Variants in POSTN observed in about 807,000 individuals in gnomAD.
POSTN encodes the protein osteoblast specific factor 2 (fasciclin I-like).
Under a neutral mutation model 104.5 loss-of-function variants are expected in POSTN, and 71 were observed. That is an observed-to-expected ratio of 0.68 (90% confidence interval 0.56 to 0.83). The LOEUF (loss-of-function observed/expected upper bound fraction) is 0.83, where lower values mean the gene tolerates loss of function less well. Among genes scored for constraint, POSTN ranks in the 40% least tolerant of loss-of-function variants. The probability of loss-of-function intolerance (pLI) is 0.00; values close to 1 mark genes in which losing one functional copy is unlikely to be tolerated. For synonymous variants in POSTN, 355 were observed against 340.7 expected (o/e 1.04, Z -0.46); for missense variants, 949 against 1,006.8 (o/e 0.94, Z 0.78).
At chr13:37,583,848 A>C in intron 9 of POSTN, 121 bp downstream of exon 9, 1 of 1,175,738 alleles carries the variant, frequency 8.5e-7, no homozygotes, top group Non-Finnish European at 1.2e-6. Flanking sequence ...TTGTATGTGT[A>C]GCCAATGCAG....
In POSTN at chr13:37,582,529, A is replaced by G; in HGVS notation, c.1244-15T>C. On this transcript the variant is annotated splice_polypyrimidine_tract_variant and intron_variant, in intron 9 of 22. Coordinates refer to ENST00000379747, the MANE Select transcript of POSTN (RefSeq NM_006475.3). ...GAGAGTATCATCTGTAAATAAATTCATTAAGAAAGAGCATTATTTTATTTA... is the reference window on the plus strand; with the variant it reads ...GAGAGTATCATCTGTAAATAAATTCGTTAAGAAAGAGCATTATTTTATTTA... 1 of 1,579,288 alleles carries G rather than the reference A, an allele frequency of 6.3e-7. No individual in the cohort carries two copies. Among genetic ancestry groups the G allele is most frequent in the Non-Finnish European group, 8.6e-7 (1 of 1,165,232 alleles).
chr13:37,579,410 A>G (rs1297255907), intron 12 of POSTN, 51 bp from the exon 13 acceptor site: 1 of 1,409,600 alleles, frequency 7.1e-7, no homozygotes, highest in Middle Eastern at 2.4e-4. Context: ...CTTTTTGATA[A>G]GGACTAAGAA....
At chr13:37,588,722 T>C (rs1372969668) in intron 4 of POSTN, among the ~76,000 whole-genome samples, 1 of 152,134 alleles carries the variant, frequency 6.6e-6, no homozygotes, top group East Asian at 1.9e-4. Flanking sequence ...AGTTGTCCAG[T>C]TTGGTTAATA....
chr13:37,587,927 A>C lies in POSTN; in HGVS notation c.501T>G (p.Ser167Arg). The stretch of plus-strand genomic sequence containing the variant: ...TCAACATTCTCTTATTAATCATGTG[A>C]CTATGTAAAGCATTCAGTAATTCAA... ...VNVELLNALH[S>R]HMINKRMLTK... The change falls in exon 5 of 23, where the codon AGT (serine) becomes AGG (arginine). Residue 167 changes from serine (S) to arginine (R), a missense_variant. Coordinates refer to ENST00000379747, the MANE Select transcript of POSTN (RefSeq NM_006475.3). 6.2e-7 allele frequency: 1 copy of C among 1,601,720 alleles called. No individual in the cohort carries two copies. The highest frequency in any genetic ancestry group is 8.6e-7 in the Non-Finnish European group (1 of 1,169,170).
chr13:37,592,590 G>T (rs145106542), intron 2 of POSTN, among the ~76,000 whole-genome samples: 1 of 152,070 alleles, frequency 6.6e-6, no homozygotes, highest in African/African-American at 2.4e-5. Context: ...GAGCCACTGC[G>T]CCCGGCCGAT....
intron 4 of POSTN, among the ~76,000 whole-genome samples, chr13:37,589,378 A>G (rs1207106419): frequency 3.9e-5 from 6 of 152,062 alleles, no homozygotes; most frequent in African/African-American, 1.4e-4. Flanking sequence ...TTTAAGTTTT[A>G]GGGTACATGT....
At chr13:37,577,715 C>G in intron 16 of POSTN, 38 bp downstream of exon 16, 3 of 1,597,722 alleles carry the variant, frequency 1.9e-6, no homozygotes, top group South Asian at 1.1e-5. Flanking sequence ...TTTTTCATAC[C>G]TTGCCACCCA....
In POSTN at chr13:37,569,403, T is replaced by C; in HGVS notation, c.2348-20A>G. On this transcript the variant is annotated intron_variant, in intron 20 of 22. Transcript: ENST00000379747. The stretch of plus-strand genomic sequence containing the variant: ...TGACCTCTGAGAGGATACATGTTTA[T>C]AGCAGAAATTGGTTTATATAACAAA... The C allele has an allele frequency of 1.3e-6, 2 of 1,575,174 alleles. No homozygotes were observed. Among genetic ancestry groups the C allele is most frequent in the Non-Finnish European group, 8.7e-7 (1 of 1,145,814 alleles).
At chr13:37,569,941 T>G in intron 19 of POSTN, 120 bp from the exon 20 acceptor site, 1 of 663,916 alleles carries the variant, frequency 1.5e-6, no homozygotes, top group South Asian at 1.7e-5. Flanking sequence ...ATTGTTCAAC[T>G]CTGATACTTC....
intron 10 of POSTN, 49 bp downstream of exon 10, chr13:37,582,317 A>T (rs752747785): frequency 6.5e-7 from 1 of 1,544,564 alleles, no homozygotes; most frequent in Admixed American, 2.0e-5. Flanking sequence ...AAACAGCATT[A>T]TTTGACATGT....
chr13:37,595,237 T>C (rs1203175713), intron 2 of POSTN, among the ~76,000 whole-genome samples: 1 of 152,142 alleles, frequency 6.6e-6, no homozygotes, highest in African/African-American at 2.4e-5. Context: ...TAAGTGTGCA[T>C]TTCAAATATG....
At chr13:37,584,619 G>T in intron 8 of POSTN, 97 bp downstream of exon 8, 7 of 992,572 alleles carry the variant, frequency 7.1e-6, no homozygotes, top group Non-Finnish European at 1.0e-5. Context: ...TCTTTATACT[G>T]CACATTCATT....
rs527929854 is a variant in POSTN, at chr13:37,568,054, T to C, written c.2431+1246A>G. Among the ~76,000 whole-genome samples the C allele has an allele frequency of 5.3e-5, 8 of 152,224 alleles. No homozygotes were observed. The South Asian group carries it at 1.7e-3, about 32-fold the overall frequency. The stretch of plus-strand genomic sequence containing the variant: ...TTAATCTTCATAATGTGTTTGTCTC[T>C]TCCCTCAAATCCTTAGATTTTTTTC... On this transcript the variant is annotated intron_variant, in intron 21 of 22. Coordinates refer to ENST00000379747, the MANE Select transcript of POSTN (RefSeq NM_006475.3).
intron 3 of POSTN, among the ~76,000 whole-genome samples, chr13:37,591,623 G>A (rs1950936766): frequency 6.6e-6 from 1 of 152,154 alleles, no homozygotes; most frequent in South Asian, 2.1e-4. Flanking sequence ...TGGAGGAAAG[G>A]TGTGGTGATT....
intron 16 of POSTN, 21 bp from the exon 17 acceptor site, chr13:37,574,673 A>C (rs1566015353): frequency 1.3e-6 from 2 of 1,563,772 alleles, no homozygotes; most frequent in Non-Finnish European, 1.7e-6. Flanking sequence ...AGAAAGTGGA[A>C]CATGAAAAAT....
chr13:37,579,192 G>A (rs1285500737), intron 13 of POSTN, 37 bp downstream of exon 13: 1 of 1,606,632 alleles, frequency 6.2e-7, no homozygotes, highest in Non-Finnish European at 8.5e-7. Flanking sequence ...CTTAATGATG[G>A]ATGAACACTA....
intron 21 of POSTN, among the ~76,000 whole-genome samples, chr13:37,565,699 T>C (rs9547955): frequency 0.12 from 18,611 of 151,988 alleles, 1,700 homozygotes; most frequent in African/African-American, 0.25. Flanking sequence ...AATACTAGAG[T>C]AAAATATAGA....
Position 37,584,172 on chromosome 13 carries a change from A to T in POSTN, c.1109-69T>A, listed in dbSNP as rs571774050. The T allele has an allele frequency of 1.7e-5, 26 of 1,564,398 alleles. No individual in the cohort carries two copies. In the East Asian group the frequency reaches 5.7e-4, roughly 34 times the overall value. ...ATTATCTCCATCATGAAACTAGTAA[A>T]TCAATTCCTGACTCTTTTCTAATAT... On this transcript the variant is annotated intron_variant, in intron 8 of 22. Coordinates refer to ENST00000379747, the MANE Select transcript of POSTN (RefSeq NM_006475.3).
Position 37,598,691 on chromosome 13 carries a change from C to T in POSTN, c.36G>A (p.Leu12=), listed in dbSNP as rs1593379579. 7 of 1,613,290 alleles carry T rather than the reference C, an allele frequency of 4.3e-6. No homozygotes were observed. Among genetic ancestry groups the T allele is most frequent in the Non-Finnish European group, 5.1e-6 (6 of 1,179,398 alleles). The change falls in exon 1 of 23, where the codon TTG becomes TTA. Residue 12 remains leucine (L), a synonymous_variant. Coordinates refer to ENST00000379747, the MANE Select transcript of POSTN (RefSeq NM_006475.3). ...IPFLPMFSLL[L]LLIVNPINAN... The stretch of plus-strand genomic sequence containing the variant: ...CGTTTATAGGGTTAACAATAAGCAG[C>T]AATAGTAGAGAAAACATGGGTAAAA...
Sources: gnomAD v4.1 joint callset for allele counts (sites outside exome capture counted in the v4.1 genomes callset) on GRCh38, gnomAD v4.1.1 for gene constraint, MANE v1.5 for transcripts, NCBI Gene and HGNC (gene_info 2026-07-23, HGNC 2026-07-21) for gene names.